SNX32: variants seen among roughly 807,000 people sequenced by gnomAD.
The protein encoded by SNX32 is sorting nexin 32.
Under a neutral mutation model 57.0 loss-of-function variants are expected in SNX32, and 58 were observed. The ratio of observed to expected loss-of-function variants is 1.02; its 90% CI spans 0.82 to 1.27. The LOEUF (loss-of-function observed/expected upper bound fraction) is 1.27. Among genes scored for constraint, SNX32 ranks in the 50% most tolerant of loss-of-function variants. The pLI is 0.00. For missense variants in SNX32, 589 were observed against 541.2 expected, an observed-to-expected ratio of 1.09 and a Z score of -0.88; for synonymous variants, 262 against 220.4, an observed-to-expected ratio of 1.19 and a Z score of -1.67.
chr11:65,841,537 C>T (rs926374526), intron 1 of SNX32, among the ~76,000 whole-genome samples: 14 of 152,178 alleles, frequency 9.2e-5, no homozygotes, highest in Non-Finnish European at 1.9e-4. Context: ...TATGCCCAGT[C>T]TATTGTGTTT....
chr11:65,843,474 C>T (rs1408650497), intron 1 of SNX32, among the ~76,000 whole-genome samples: 2 of 151,514 alleles, frequency 1.3e-5, no homozygotes, highest in East Asian at 3.9e-4. Flanking sequence ...GAGGCTGAGG[C>T]AGGAGAATCA....
intron 1 of SNX32, chr11:65,835,499 C>T (rs1858644941): frequency 6.6e-6 from 1 of 152,218 alleles, no homozygotes; most frequent in Non-Finnish European, 1.5e-5. Flanking sequence ...CTTTTGACTT[C>T]CTTCAGCAAA....
At chr11:65,848,894 G>A (rs927913842) in intron 1 of SNX32, among the ~76,000 whole-genome samples, 2 of 152,160 alleles carry the variant, frequency 1.3e-5, no homozygotes, top group Non-Finnish European at 2.9e-5. Context: ...TGTAATCTCA[G>A]CACTTTGGGA....
In SNX32 at chr11:65,849,892, G is replaced by C. The variant is rs201332210; in HGVS notation, c.142-28G>C. Reference sequence around the variant, plus strand: ...TGAGGCAGGGCTTGGGGCAGAGAGAGGACCTCAGTTGGCCTTCCCGCTTCC... The same window carrying C: ...TGAGGCAGGGCTTGGGGCAGAGAGACGACCTCAGTTGGCCTTCCCGCTTCC... On this transcript the variant is annotated intron_variant, in intron 2 of 12. Coordinates refer to ENST00000308342, the MANE Select transcript of SNX32 (RefSeq NM_152760.3). 273 of 1,529,942 alleles carry C rather than the reference G, an allele frequency of 1.8e-4. 1 individual carries two copies. Among genetic ancestry groups the C allele is most frequent in the Non-Finnish European group, 2.3e-4 (261 of 1,130,524 alleles). The allele number at this position is 1,529,942 out of a possible 1,614,324, so 94.8% of individuals were successfully genotyped here. A position where few individuals can be genotyped will look rare whatever the true frequency, so the allele number is the denominator to read the frequency against.
At chr11:65,850,106 C>G in intron 3 of SNX32, 44 bp from the exon 4 acceptor site, 1 of 1,614,242 alleles carries the variant, frequency 6.2e-7, no homozygotes, top group South Asian at 1.1e-5. Context: ...TGATGGCCGT[C>G]TCGGCAGTGA....
intron 1 of SNX32, 129 bp downstream of exon 1, chr11:65,834,230 C>T: frequency 9.8e-7 from 1 of 1,018,666 alleles, no homozygotes. Context: ...CTGTGTGTGT[C>T]TGTGTGTGTA....
chr11:65,851,788 G>A (rs1859206407), intron 9 of SNX32, 109 bp downstream of exon 9: 3 of 1,265,542 alleles, frequency 2.4e-6, no homozygotes, highest in Non-Finnish European at 3.4e-6. Flanking sequence ...GTGATAACTT[G>A]GGCCCAGTGG....
At chr11:65,844,281 GACAA>G (rs1440588420) in intron 1 of SNX32, among the ~76,000 whole-genome samples, 1 of 151,998 alleles carries the variant, frequency 6.6e-6, no homozygotes, top group Non-Finnish European at 1.5e-5. Context: ...TTATCATAAG[GACAA>G]ACATAGACCA....
At chr11:65,850,906 G>C (rs764280417) in intron 6 of SNX32, 51 bp downstream of exon 6, 28 of 1,555,426 alleles carry the variant, frequency 1.8e-5, no homozygotes, top group Non-Finnish European at 2.4e-5. Flanking sequence ...CAAGTCCACA[G>C]CACAGATTGA....
intron 1 of SNX32, among the ~76,000 whole-genome samples, chr11:65,846,030 GGGA>G (rs1478338042): frequency 6.6e-6 from 1 of 152,194 alleles, no homozygotes; most frequent in East Asian, 1.9e-4. Flanking sequence ...CCAGTTCTAT[GGGA>G]GGCCAAGGTG....
intron 2 of SNX32, 32 bp from the exon 3 acceptor site, chr11:65,849,888 G>A (rs201970684): frequency 4.7e-5 from 71 of 1,524,514 alleles, no homozygotes; most frequent in Admixed American, 1.2e-4. Context: ...TTGGGGCAGA[G>A]AGAGGACCTC....
rs1221080814 is a variant in SNX32 at position 65,839,255 on chromosome 11, A to T, written c.36+5154A>T. ...TTTTTTTTTTTTTTTTTTGAGACGGAGTCTCGCTCTGTCGCCCAGGCTGGA... is the reference window on the plus strand; with the variant it reads ...TTTTTTTTTTTTTTTTTTGAGACGGTGTCTCGCTCTGTCGCCCAGGCTGGA... On this transcript the variant is annotated intron_variant, in intron 1 of 12. Coordinates refer to ENST00000308342, the MANE Select transcript of SNX32 (RefSeq NM_152760.3). Among the ~76,000 whole-genome samples the T allele has an allele frequency of 7.3e-3, 30 of 4,128 alleles. No homozygotes were observed. In the East Asian group the frequency reaches 0.22, roughly 30 times the overall value. 2.7% of individuals were successfully genotyped at this position (4,128 alleles called of 152,430 possible).
chr11:65,851,087 C>T lies in SNX32; in HGVS notation c.636C>T (p.Thr212=). The change falls in exon 7 of 13, where the codon ACC becomes ACT. Residue 212 remains threonine, a synonymous_variant. Transcript: ENST00000308342. ...EVDDFFEHER[T]FLLEYHTRIR... ...ATGACTTCTTTGAGCATGAGAGGAC[C>T]TTCCTGTTGGAGTATCACACCCGTA... 3 of 1,614,082 alleles carry T rather than the reference C, an allele frequency of 1.9e-6. No homozygotes were observed. Among genetic ancestry groups the T allele is most frequent in the Non-Finnish European group, 2.5e-6 (3 of 1,180,002 alleles).
At chr11:65,849,715 C>T (rs766967401) in intron 2 of SNX32, 133 bp downstream of exon 2, 2 of 878,664 alleles carry the variant, frequency 2.3e-6, no homozygotes, top group Non-Finnish European at 3.6e-6. Context: ...TCAGCCCCTC[C>T]TGGAAAGTGA....
At chr11:65,848,277 CTA>C in intron 1 of SNX32, among the ~76,000 whole-genome samples, 1 of 152,214 alleles carries the variant, frequency 6.6e-6, no homozygotes, top group South Asian at 2.1e-4. Context: ...TCACTTGGCA[CTA>C]TGGTGTGGAC....
intron 7 of SNX32, 83 bp downstream of exon 7, chr11:65,851,243 C>A: frequency 1.3e-6 from 2 of 1,597,408 alleles, no homozygotes; most frequent in Non-Finnish European, 1.7e-6. Context: ...GAGAGCAGGG[C>A]GTGCCTTGTT....
intron 1 of SNX32, among the ~76,000 whole-genome samples, chr11:65,846,237 C>T (rs992532183): frequency 6.6e-6 from 1 of 152,078 alleles, no homozygotes; most frequent in Non-Finnish European, 1.5e-5. Context: ...TGTCACTGCA[C>T]TCCAGCCTGG....
Position 65,849,513 on chromosome 11 carries a change from C to T in SNX32, c.72C>T (p.Ser24=). Reference sequence around the variant, plus strand: ...CATCGGTGGATCTGCAGGGAGACAGCTCCTTACAGGTGGAGATTTCTGACG... The same window carrying T: ...CATCGGTGGATCTGCAGGGAGACAGTTCCTTACAGGTGGAGATTTCTGACG... ...SCASVDLQGD[S]SLQVEISDAV... The change falls in exon 2 of 13, where the codon AGC becomes AGT. Residue 24 remains serine (S), a synonymous_variant. Transcript: ENST00000308342. 1.2e-6 allele frequency: 2 copies of T among 1,613,736 alleles called. No individual in the cohort carries two copies. Among genetic ancestry groups the T allele is most frequent in the Non-Finnish European group, 1.7e-6 (2 of 1,179,732 alleles).
rs189593676 is a variant in SNX32, at chr11:65,850,376, G to T, written c.375-55G>T. The T allele has an allele frequency of 2.5e-6, 4 of 1,612,632 alleles. No individual in the cohort carries two copies. The African/African-American group carries it at 5.3e-5, about 21-fold the overall frequency. Reference sequence around the variant, plus strand: ...CCTGACCTCTGACCCCAGAAAGGGGGCAGGCAGGATGATGGGGGCTGAGGA... The same window carrying T: ...CCTGACCTCTGACCCCAGAAAGGGGTCAGGCAGGATGATGGGGGCTGAGGA... On this transcript the variant is annotated intron_variant, in intron 4 of 12. Coordinates refer to ENST00000308342, the MANE Select transcript of SNX32 (RefSeq NM_152760.3).
Sources: gnomAD v4.1 joint callset for allele counts (sites outside exome capture counted in the v4.1 genomes callset) on GRCh38, gnomAD v4.1.1 for gene constraint, MANE v1.5 for transcripts, NCBI Gene and HGNC (gene_info 2026-07-23, HGNC 2026-07-21) for gene names.